The following NKAIN2 variants were observed in gnomAD, a reference collection of about 807,000 sequenced individuals.
The protein encoded by NKAIN2 is sodium/potassium transporting ATPase interacting 2, also known as sodium/potassium-transporting ATPase subunit beta-1-interacting protein 2.
NKAIN2 carries 14 observed loss-of-function variants against 32.6 expected under a neutral mutation model. That is an observed-to-expected ratio of 0.43 (90% CI 0.28 to 0.67). The LOEUF (loss-of-function observed/expected upper bound fraction) is 0.67. NKAIN2 is among the 30% of genes least tolerant of loss of function. NKAIN2 has a pLI of 0.17. For synonymous variants in NKAIN2, 80 were observed against 87.2 expected, an observed-to-expected ratio of 0.92 and a Z score of 0.46; for missense variants, 198 against 258.3, an observed-to-expected ratio of 0.77 and a Z score of 1.60.
intron 4 of NKAIN2, among the ~76,000 whole-genome samples, chr6:124,721,850 CTATTTT>C (rs1776036294): frequency 6.6e-6 from 1 of 152,144 alleles, no homozygotes. Flanking sequence ...ACCTTTTTAT[CTATTTT>C]TAAGTATACA....
At chr6:124,353,901 A>G (rs1403100303) in intron 2 of NKAIN2, among the ~76,000 whole-genome samples, 1 of 152,214 alleles carries the variant, frequency 6.6e-6, no homozygotes, top group Non-Finnish European at 1.5e-5. Context: ...CATGATCATG[A>G]TCATGGAGGT....
chr6:124,266,429 C>T (rs1039744583), intron 1 of NKAIN2, among the ~76,000 whole-genome samples: 1 of 152,096 alleles, frequency 6.6e-6, no homozygotes, highest in South Asian at 2.1e-4. Flanking sequence ...AGGCACACAC[C>T]ACCACACCCG....
At chr6:123,862,504 C>T (rs1041999718) in intron 1 of NKAIN2, among the ~76,000 whole-genome samples, 2 of 152,146 alleles carry the variant, frequency 1.3e-5, no homozygotes, top group Non-Finnish European at 2.9e-5. Context: ...GGTTCATATT[C>T]TTTCTTATAC....
At chr6:124,647,788 C>A (rs1784233619) in intron 3 of NKAIN2, among the ~76,000 whole-genome samples, 1 of 151,962 alleles carries the variant, frequency 6.6e-6, no homozygotes, top group African/African-American at 2.4e-5. Context: ...GAGAGAAAAT[C>A]GTATTTAACC....
intron 1 of NKAIN2, among the ~76,000 whole-genome samples, chr6:124,185,326 A>G (rs778156812): frequency 3.3e-5 from 5 of 152,182 alleles, no homozygotes; most frequent in Non-Finnish European, 7.4e-5. Flanking sequence ...ATGAGTTCTG[A>G]TTCTTTGGTG....
chr6:124,404,999 A>T (rs1461916968), intron 3 of NKAIN2, among the ~76,000 whole-genome samples: 2 of 152,100 alleles, frequency 1.3e-5, no homozygotes, highest in African/African-American at 4.8e-5. Flanking sequence ...TCTGGCCCAC[A>T]TTAGAGAAGC....
chr6:124,649,859 TTACAATATCTATAGATG>T (rs760255408), intron 3 of NKAIN2, among the ~76,000 whole-genome samples: 1 of 151,882 alleles, frequency 6.6e-6, no homozygotes, highest in Non-Finnish European at 1.5e-5. Context: ...AGAAGAAAAA[TTACAATATCTATAGATG>T]TACATCGTAT....
intron 4 of NKAIN2, among the ~76,000 whole-genome samples, chr6:124,778,633 A>T (rs947044731): frequency 6.6e-6 from 1 of 152,108 alleles, no homozygotes; most frequent in Admixed American, 6.5e-5. Context: ...ATATTTACTA[A>T]TAAAGATAGG....
At chr6:123,948,597 A>ATTTTTTTTTTTTTTTTTTTTTT (rs71021472) in intron 1 of NKAIN2, among the ~76,000 whole-genome samples, 2 of 49,316 alleles carry the variant, frequency 4.1e-5, no homozygotes, top group Admixed American at 3.0e-4. Context: ...CTTAAATGGG[A>ATTTTTTTTTTTTTTTTTTTTTT]TTTTTTTTTT....
At chr6:124,416,159 C>A (rs1260153534) in intron 3 of NKAIN2, among the ~76,000 whole-genome samples, 1 of 152,234 alleles carries the variant, frequency 6.6e-6, no homozygotes, top group Non-Finnish European at 1.5e-5. Context: ...GAAGAGGTGA[C>A]CACCTGTATT....
intron 1 of NKAIN2, among the ~76,000 whole-genome samples, chr6:123,804,883 A>C (rs1369949266): frequency 6.6e-6 from 1 of 152,188 alleles, no homozygotes; most frequent in Non-Finnish European, 1.5e-5. Context: ...GGAACCAGTA[A>C]CCTTTAAATC....
At chr6:124,239,368 T>G (rs59562666) in intron 1 of NKAIN2, among the ~76,000 whole-genome samples, 92 of 152,032 alleles carry the variant, frequency 6.1e-4, no homozygotes, top group African/African-American at 2.1e-3. Context: ...TATTCGGGAG[T>G]TGAATTCAGT....
chr6:124,108,545 A>T (rs1430433490), intron 1 of NKAIN2, among the ~76,000 whole-genome samples: 3 of 152,006 alleles, frequency 2.0e-5, no homozygotes, highest in Non-Finnish European at 4.4e-5. Context: ...TTAGTTTGAT[A>T]TAGTCTTACT....
chr6:124,638,904 A>AAG (rs1783881806), intron 3 of NKAIN2, among the ~76,000 whole-genome samples: 1 of 151,144 alleles, frequency 6.6e-6, no homozygotes, highest in Non-Finnish European at 1.5e-5. Flanking sequence ...AAAAAAAAAA[A>AAG]AAAAAGATAA....
intron 1 of NKAIN2, among the ~76,000 whole-genome samples, chr6:123,895,358 T>C (rs1774231604): frequency 6.6e-6 from 1 of 152,146 alleles, no homozygotes; most frequent in African/African-American, 2.4e-5. Flanking sequence ...TCTTTTTGGG[T>C]CCCTCCAAAT....
At chr6:123,824,025 G>T (rs1490326436) in intron 1 of NKAIN2, among the ~76,000 whole-genome samples, 2 of 152,110 alleles carry the variant, frequency 1.3e-5, no homozygotes, top group Non-Finnish European at 2.9e-5. Flanking sequence ...CTTTAGATTT[G>T]CCATTAACTG....
intron 1 of NKAIN2, among the ~76,000 whole-genome samples, chr6:123,880,161 C>T (rs1040929376): frequency 1.3e-5 from 2 of 152,140 alleles, no homozygotes; most frequent in African/African-American, 4.8e-5. Context: ...GGGACTAGAG[C>T]ATGGATCATT....
chr6:124,146,571 A>G (rs1224697177), intron 1 of NKAIN2, among the ~76,000 whole-genome samples: 3 of 152,214 alleles, frequency 2.0e-5, no homozygotes, highest in Non-Finnish European at 2.9e-5. Flanking sequence ...AAGGATACAT[A>G]TACACAAATG....
intron 4 of NKAIN2, among the ~76,000 whole-genome samples, chr6:124,669,032 C>T (rs1772961936): frequency 6.6e-6 from 1 of 152,054 alleles, no homozygotes; most frequent in East Asian, 1.9e-4. Context: ...TTGGAAGACC[C>T]ACATCCCGGC....
Sources: allele counts gnomAD v4.1 joint callset (sites outside exome capture counted in the v4.1 genomes callset), GRCh38; gene constraint gnomAD v4.1.1; transcripts MANE v1.5; gene names NCBI Gene and HGNC (gene_info 2026-07-23, HGNC 2026-07-21).